Variants in OR6J1 observed in about 807,000 individuals in gnomAD.
OR6J1 encodes the protein olfactory receptor 6J1.
For missense variants in OR6J1, 304 were observed against 166.8 expected (o/e 1.82, Z -4.53); for synonymous variants, 109 against 70.0 (o/e 1.56, Z -2.78).
chr14:22,637,712 C>T (rs1168749353), intron 1 of OR6J1, among the ~76,000 whole-genome samples: 3 of 82,488 alleles, frequency 3.6e-5, no homozygotes, highest in East Asian at 3.0e-4. Context: ...CCCGACCAGC[C>T]GCCCCGTCCG....
At chr14:22,638,524 G>T (rs1404091026) in intron 1 of OR6J1, among the ~76,000 whole-genome samples, 3 of 94,312 alleles carry the variant, frequency 3.2e-5, no homozygotes, top group South Asian at 5.8e-4. Context: ...GCGGAAGGCC[G>T]CAGGGTCCTC....
At chr14:22,641,030 A>C (rs1390740172) in intron 1 of OR6J1, among the ~76,000 whole-genome samples, 1 of 150,876 alleles carries the variant, frequency 6.6e-6, no homozygotes, top group East Asian at 1.9e-4. Flanking sequence ...TTAGCCAGGC[A>C]TGGTGCCATG....
chr14:22,643,764 C>CAGAGAGAGAGAGAGAGAG (rs1233027589), intron 1 of OR6J1, among the ~76,000 whole-genome samples: 10 of 37,694 alleles, frequency 2.7e-4, no homozygotes, highest in Admixed American at 1.2e-3. Context: ...CACACACACA[C>CAGAGAGAGAGAGAGAGAG]AGAGAGAGAG....
rs541160118 is a variant in OR6J1, at chr14:22,640,720, T to C, written c.-28+3378A>G. On this transcript the variant is annotated intron_variant, in intron 1 of 1. Coordinates refer to ENST00000540461, the MANE Select transcript of OR6J1 (RefSeq NM_001348233.2). ...ACTTTTCGTAGCTATGGGATCTCACTATGTTGCCCAGGCTGGTCTCAAACT... is the reference window on the plus strand; with the variant it reads ...ACTTTTCGTAGCTATGGGATCTCACCATGTTGCCCAGGCTGGTCTCAAACT... Among the ~76,000 whole-genome samples the C allele has an allele frequency of 1.5e-4, 23 of 151,434 alleles. 1 individual carries two copies. In the South Asian group the frequency reaches 4.8e-3, roughly 32 times the overall value.
chr14:22,634,267 G>A lies in OR6J1; in HGVS notation c.545C>T (p.Pro182Leu), dbSNP rs915511414. 1 of 703,198 alleles carries A rather than the reference G, an allele frequency of 1.4e-6. No individual in the cohort carries two copies. Among genetic ancestry groups the A allele is most frequent in the Non-Finnish European group, 2.6e-6 (1 of 385,024 alleles). The allele number at this position is 703,198 out of a possible 1,614,324, so 43.6% of individuals were successfully genotyped here. A position where few individuals can be genotyped will look rare whatever the true frequency, so the allele number is the denominator to read the frequency against. The change falls in exon 2 of 2, where the codon CCC becomes CTC. Residue 182 changes from proline (P) to leucine (L), a missense_variant. Physicochemically the swap from Pro to Leu is moderately conservative, Grantham distance 98 (BLOSUM62 -3). Coordinates refer to ENST00000540461, the MANE Select transcript of OR6J1 (RefSeq NM_001348233.2). ...IINHFFCDSG[P>L]LLALACADTT... is the part of the protein sequence containing the mutation. ...GTCTGCACAGGCCAGGGCCAGCAAG[G>A]GTCCACTGTCACAGAAGAAGTGGTT...
chr14:22,641,234 A>AAAGAAAGG (rs2037644745), intron 1 of OR6J1, among the ~76,000 whole-genome samples: 1 of 32,062 alleles, frequency 3.1e-5, no homozygotes, highest in Admixed American at 2.4e-4. Context: ...AGAAAGAAAG[A>AAAGAAAGG]AAGAAAGAAA....
chr14:22,641,825 A>C (rs1427703216), intron 1 of OR6J1, among the ~76,000 whole-genome samples: 2 of 152,278 alleles, frequency 1.3e-5, no homozygotes, highest in East Asian at 3.9e-4. Flanking sequence ...TTTTTCATGG[A>C]TATTTGTCCT....
At position 22,640,483 on chromosome 14, in the gene OR6J1, G is replaced by GTTTTTTTTTTTTTTTTTTTTTT. The variant is rs1457341102; in HGVS notation, c.-28+3614_-28+3615insAAAAAAAAAAAAAAAAAAAAAA. ...CTTCAGCTCAACCAACAGTGAGAATGTATTTTTTTTTTTTTTTTTTTTTTG... is the reference window on the plus strand; with the variant it reads ...CTTCAGCTCAACCAACAGTGAGAATGTTTTTTTTTTTTTTTTTTTTTTTATTTTTTTTTTTTTTTTTTTTTTG... On this transcript the variant is annotated intron_variant, in intron 1 of 1. Transcript: ENST00000540461. Among the ~76,000 whole-genome samples the GTTTTTTTTTTTTTTTTTTTTTT allele has an allele frequency of 3.0e-5, 4 of 132,652 alleles. 1 individual carries two copies. The highest frequency in any genetic ancestry group is 3.2e-5 in the Non-Finnish European group (2 of 62,562). The allele number at this position is 132,652 out of a possible 152,430, so 87.0% of individuals were successfully genotyped here. A position where few individuals can be genotyped will look rare whatever the true frequency, so the allele number is the denominator to read the frequency against.
Position 22,636,871 on chromosome 14 carries a change from A to C in OR6J1, c.-27-2033T>G, listed in dbSNP as rs1297983001. Among the ~76,000 whole-genome samples the C allele has an allele frequency of 1.6e-3, 171 of 109,968 alleles. 4 individuals are homozygous for C. Among genetic ancestry groups the C allele is most frequent in the South Asian group, 3.7e-3 (14 of 3,822 alleles). The allele number at this position is 109,968 out of a possible 152,430, so 72.1% of individuals were successfully genotyped here. On this transcript the variant is annotated intron_variant, in intron 1 of 1. Transcript: ENST00000540461. ...AAGTGAGGAGCGTCTCTGCTTGGCC[A>C]CCCATCGTCTGGGATATGAGGAGCC...
intron 1 of OR6J1, among the ~76,000 whole-genome samples, chr14:22,639,616 G>A (rs1234827283): frequency 2.4e-5 from 3 of 127,454 alleles, no homozygotes; most frequent in African/African-American, 1.2e-4. Context: ...AGACATGGGA[G>A]ACTTTTCATT....
intron 1 of OR6J1, among the ~76,000 whole-genome samples, chr14:22,642,561 A>C (rs2139299538): frequency 6.6e-6 from 1 of 151,776 alleles, no homozygotes; most frequent in South Asian, 2.1e-4. Flanking sequence ...GCTGGTCTCC[A>C]ACTCCTGACC....
intron 1 of OR6J1, among the ~76,000 whole-genome samples, chr14:22,640,228 G>GGGAAGGAAGGATGGAAGGAAGGAT (rs754455707): frequency 2.0e-5 from 2 of 97,772 alleles, no homozygotes; most frequent in Non-Finnish European, 4.3e-5. Flanking sequence ...GAGGGAGGGA[G>GGGAAGGAAGGATGGAAGGAAGGAT]GGAAGGAAGG....
Position 22,631,376 on chromosome 14 carries a change from C to G in OR6J1, c.*2392G>C, listed in dbSNP as rs939458707. The G allele has an allele frequency of 3.3e-5, 5 of 152,134 alleles. No homozygotes were observed. Among genetic ancestry groups the G allele is most frequent in the African/African-American group, 9.7e-5 (4 of 41,420 alleles). The allele number at this position is 152,134 out of a possible 1,614,324, so 9.4% of individuals were successfully genotyped here. A position where few individuals can be genotyped will look rare whatever the true frequency, so the allele number is the denominator to read the frequency against. On this transcript the variant is annotated 3_prime_UTR_variant, in exon 2 of 2. Coordinates refer to ENST00000540461, the MANE Select transcript of OR6J1 (RefSeq NM_001348233.2). ...GGGGGCCGTCTATAGGACTACACTCCCAGGCGCGTACTCTCTTTCCCAGGG... is the reference window on the plus strand; with the variant it reads ...GGGGGCCGTCTATAGGACTACACTCGCAGGCGCGTACTCTCTTTCCCAGGG...
intron 1 of OR6J1, among the ~76,000 whole-genome samples, chr14:22,638,356 CA>C (rs2037612061): frequency 1.7e-5 from 1 of 59,312 alleles, no homozygotes; most frequent in African/African-American, 1.5e-4. Context: ...ACCTTATCCC[CA>C]ACCCTGTGCT....
At chr14:22,643,396 A>G (rs2037665450) in intron 1 of OR6J1, among the ~76,000 whole-genome samples, 1 of 151,876 alleles carries the variant, frequency 6.6e-6, no homozygotes, top group Admixed American at 6.6e-5. Context: ...CCCAGGCTCA[A>G]GTGATCCTCC....
rs1183889876 is a variant in OR6J1, at chr14:22,643,714, AACACACACACAC to A, written c.-28+372_-28+383del. Among the ~76,000 whole-genome samples, 442 of 84,024 alleles carry A rather than the reference AACACACACACAC, an allele frequency of 5.3e-3. 9 individuals carry two copies. The highest frequency in any genetic ancestry group is 0.016 in the African/African-American group (366 of 22,318). The allele number at this position is 84,024 out of a possible 152,430, so 55.1% of individuals were successfully genotyped here. On this transcript the variant is annotated intron_variant, in intron 1 of 1. Coordinates refer to ENST00000540461, the MANE Select transcript of OR6J1 (RefSeq NM_001348233.2). ...AAGCCCTGACCCCTGGCATGGCAGA[AACACACACACAC>A]ACACACACACACACACACACACACA...
chr14:22,641,583 G>T (rs1225648997), intron 1 of OR6J1, among the ~76,000 whole-genome samples: 1 of 134,902 alleles, frequency 7.4e-6, no homozygotes, highest in Non-Finnish European at 1.6e-5. Context: ...AAGAAGGAAA[G>T]AAAATTATTC....
rs746509732 is a variant in OR6J1 at position 22,634,621 on chromosome 14, T to C, written c.191A>G (p.Asn64Ser). 8.2e-6 allele frequency: 6 copies of C among 735,932 alleles called. No individual in the cohort carries two copies. The highest frequency in any genetic ancestry group is 7.1e-5 in the South Asian group (5 of 69,976). 45.6% of individuals were successfully genotyped at this position (735,932 alleles called of 1,614,324 possible). A position where few individuals can be genotyped will look rare whatever the true frequency, so the allele number is the denominator to read the frequency against. The change falls in exon 2 of 2, where the codon AAC (asparagine) becomes AGC (serine). Residue 64 changes from asparagine (N) to serine (S), a missense_variant. Physicochemically the swap from Asn to Ser is conservative, Grantham distance 46 (BLOSUM62 1). Transcript: ENST00000540461. Reference protein sequence around the residue: ...LHTPMYFFLCNLSILDILFTS... With the variant: ...LHTPMYFFLCSLSILDILFTS... ...GAAGAGGATGTCCAGGATAGAGAGG[T>C]TGCACAAGAAGAAGTACATGGGGGT... is the stretch of plus-strand genomic sequence containing the variant.
rs550026104 is a variant in OR6J1, at chr14:22,641,728, G to A, written c.-28+2370C>T. Among the ~76,000 whole-genome samples, 67 of 152,234 alleles carry A rather than the reference G, an allele frequency of 4.4e-4. No homozygotes were observed. In the South Asian group the frequency reaches 9.1e-3, roughly 21 times the overall value. On this transcript the variant is annotated intron_variant, in intron 1 of 1. Transcript: ENST00000540461. The stretch of plus-strand genomic sequence containing the variant: ...ATGGTAAAAAAAATTGCATGCCCTC[G>A]CACAGCTTTCAGTCTAAAAGAGATG...
Sources: allele counts gnomAD v4.1 joint callset (sites outside exome capture counted in the v4.1 genomes callset), GRCh38; gene constraint gnomAD v4.1.1; transcripts MANE v1.5; gene names NCBI Gene and HGNC (gene_info 2026-07-23, HGNC 2026-07-21).